Variants in AGBL1 observed in about 807,000 individuals in gnomAD.
AGBL1 encodes cytosolic carboxypeptidase 4.
A neutral mutation model predicts 118.9 loss-of-function variants in AGBL1; 130 were observed. The ratio of observed to expected loss-of-function variants is 1.09; its 90% CI spans 0.95 to 1.26. AGBL1 has a LOEUF of 1.26. Among genes scored for constraint, AGBL1 ranks in the 50% most tolerant of loss-of-function variants. AGBL1 has a pLI of 0.00. For synonymous variants in AGBL1, 555 were observed against 478.9 expected (o/e 1.16, Z -2.08); for missense variants, 1,584 against 1,298.1 (o/e 1.22, Z -3.38).
At chr15:86,943,381 A>C (rs564088540) in intron 23 of AGBL1, among the ~76,000 whole-genome samples, 1 of 152,318 alleles carries the variant, frequency 6.6e-6, no homozygotes, top group South Asian at 2.1e-4. Context: ...CAGTATTCAA[A>C]ATTTCTATTA....
Position 86,131,505 on chromosome 15 carries a change from G to T in AGBL1, c.52-10499G>T, listed in dbSNP as rs541554220. Among the ~76,000 whole-genome samples, 179 of 152,120 alleles carry T rather than the reference G, an allele frequency of 1.2e-3. 9 individuals are homozygous for T. The South Asian group carries it at 0.036, about 31-fold the overall frequency. ...TAAAATAGTAAGAAAGTTTATGTTT[G>T]CTTTTGAGTAAATTATTCAACTTCT... On this transcript the variant is annotated intron_variant, in intron 1 of 22. Transcript: ENST00000614907.
chr15:86,843,544 T>A (rs556778262), intron 22 of AGBL1, among the ~76,000 whole-genome samples: 3 of 152,238 alleles, frequency 2.0e-5, no homozygotes, highest in African/African-American at 7.2e-5. Flanking sequence ...TTTGGTCCTT[T>A]TTATGAAGTT....
chr15:86,841,076 C>T (rs988078388), intron 22 of AGBL1, among the ~76,000 whole-genome samples: 7 of 152,144 alleles, frequency 4.6e-5, no homozygotes, highest in Admixed American at 4.6e-4. Flanking sequence ...ACAAGCCCAG[C>T]GATGCGTACA....
At chr15:86,396,627 A>G (rs1382753383) in intron 17 of AGBL1, among the ~76,000 whole-genome samples, 1 of 152,184 alleles carries the variant, frequency 6.6e-6, no homozygotes, top group Non-Finnish European at 1.5e-5. Flanking sequence ...TATTTCTGCT[A>G]AGGAATGAGA....
rs370011208 is a variant in AGBL1, at chr15:86,295,344, G to A, written c.2310G>A (p.Pro770=). ...TCTGCCAGACGCTGGGAGGGAATCC[G>A]TGTCCCTTGGTGACCATCACGGCCA... is the stretch of plus-strand genomic sequence containing the variant. ...DVLCQTLGGN[P]CPLVTITAMP... is the part of the protein sequence containing the mutation. Residue 770 remains proline (P), a synonymous_variant, in exon 17 of 23, where the codon CCG becomes CCA. Transcript: ENST00000614907. 3.2e-5 allele frequency: 52 copies of A among 1,612,380 alleles called. No homozygotes were observed. Among genetic ancestry groups the A allele is most frequent in the African/African-American group, 2.0e-4 (15 of 74,770 alleles).
intron 23 of AGBL1, among the ~76,000 whole-genome samples, chr15:86,983,059 TTTTTG>T (rs1270742869): frequency 1.3e-5 from 2 of 152,094 alleles, no homozygotes; most frequent in South Asian, 2.1e-4. Context: ...ATCACACCTT[TTTTTG>T]TTTTGTTTTT....
chr15:86,107,233 C>T (rs1451281974), intron 1 of AGBL1, among the ~76,000 whole-genome samples: 1 of 152,158 alleles, frequency 6.6e-6, no homozygotes, highest in Non-Finnish European at 1.5e-5. Flanking sequence ...AACTGTGATC[C>T]TCCATGGTTT....
At chr15:86,653,901 A>G (rs904550592) in intron 21 of AGBL1, among the ~76,000 whole-genome samples, 3 of 152,168 alleles carry the variant, frequency 2.0e-5, no homozygotes, top group Admixed American at 6.5e-5. Context: ...TGTGTTTTCC[A>G]ACTCTCAACT....
At chr15:86,902,362 G>A (rs2080223221) in intron 22 of AGBL1, among the ~76,000 whole-genome samples, 1 of 152,000 alleles carries the variant, frequency 6.6e-6, no homozygotes, top group South Asian at 2.1e-4. Flanking sequence ...CACAGTTAGT[G>A]TTGTTGAACA....
chr15:86,116,773 C>G (rs924609370), intron 1 of AGBL1: 2 of 152,126 alleles, frequency 1.3e-5, no homozygotes, highest in African/African-American at 4.8e-5. Flanking sequence ...AGACTGAATT[C>G]TATTGGGTTC....
At chr15:86,111,579 G>A (rs570073799) in intron 1 of AGBL1, among the ~76,000 whole-genome samples, 41 of 152,238 alleles carry the variant, frequency 2.7e-4, no homozygotes, top group Middle Eastern at 6.8e-3. Context: ...GGTATGAGTG[G>A]GATAGAGGTA....
Position 86,574,570 on chromosome 15 carries a change from A to ATTTTTTTTT in AGBL1, c.2994+20049_2994+20057dup, listed in dbSNP as rs776642678. Among the ~76,000 whole-genome samples, 130 of 83,758 alleles carry ATTTTTTTTT rather than the reference A, an allele frequency of 1.6e-3. 1 individual carries two copies. Among genetic ancestry groups the ATTTTTTTTT allele is most frequent in the East Asian group, 2.5e-3 (6 of 2,420 alleles). 54.9% of individuals were successfully genotyped at this position (83,758 alleles called of 152,430 possible). On this transcript the variant is annotated intron_variant, in intron 21 of 22. Coordinates refer to ENST00000614907, the MANE Select transcript of AGBL1 (RefSeq NM_001386094.1). Reference sequence around the variant, plus strand: ...TTCTATACAATTCTTAAAAGTTTTAATTTTTTTTTTTTTTTTTTTTTTTTG... The same window carrying ATTTTTTTTT: ...TTCTATACAATTCTTAAAAGTTTTAATTTTTTTTTTTTTTTTTTTTTTTTTTTTTTTTTG...
chr15:86,937,625 C>T (rs1331375520), intron 23 of AGBL1, among the ~76,000 whole-genome samples: 3 of 152,068 alleles, frequency 2.0e-5, no homozygotes, highest in Non-Finnish European at 2.9e-5. Flanking sequence ...AAGAAGAAAA[C>T]AATAGACACT....
At chr15:86,133,291 C>A (rs914060387) in intron 1 of AGBL1, among the ~76,000 whole-genome samples, 1 of 152,146 alleles carries the variant, frequency 6.6e-6, no homozygotes, top group Non-Finnish European at 1.5e-5. Context: ...CCTCTTTTGC[C>A]CTGAGCATTT....
intron 22 of AGBL1, among the ~76,000 whole-genome samples, chr15:86,812,863 G>A (rs1346198558): frequency 2.0e-5 from 3 of 152,052 alleles, no homozygotes; most frequent in Non-Finnish European, 4.4e-5. Flanking sequence ...AGGTAAAGAA[G>A]TAAACCTAAT....
chr15:86,841,848 A>AAAAAAT (rs759176447), intron 22 of AGBL1, among the ~76,000 whole-genome samples: 178 of 152,258 alleles, frequency 1.2e-3, no homozygotes, highest in Admixed American at 4.9e-3. Flanking sequence ...ACTCCATCTC[A>AAAAAAT]AAAAATAAAA....
At chr15:86,115,757 C>T (rs758275408) in intron 1 of AGBL1, among the ~76,000 whole-genome samples, 12 of 152,186 alleles carry the variant, frequency 7.9e-5, no homozygotes, top group East Asian at 1.9e-4. Context: ...GCATCTTCCT[C>T]AGTCACATAC....
intron 15 of AGBL1, among the ~76,000 whole-genome samples, chr15:86,279,391 C>T (rs1157767616): frequency 6.6e-6 from 1 of 152,186 alleles, no homozygotes; most frequent in Non-Finnish European, 1.5e-5. Flanking sequence ...AGGTCGGTAG[C>T]ATATACGGCA....
intron 5 of AGBL1, among the ~76,000 whole-genome samples, chr15:86,161,824 C>T (rs1426703323): frequency 6.6e-6 from 1 of 152,196 alleles, no homozygotes; most frequent in Non-Finnish European, 1.5e-5. Flanking sequence ...GCTCTGTAAG[C>T]CTCCTTCTAC....
Sources: allele counts gnomAD v4.1 joint callset (sites outside exome capture counted in the v4.1 genomes callset), GRCh38; gene constraint gnomAD v4.1.1; transcripts MANE v1.5; gene names NCBI Gene and HGNC (gene_info 2026-07-23, HGNC 2026-07-21).